Variants in SLCO5A1 observed in about 807,000 individuals in gnomAD.
The protein encoded by SLCO5A1 is organic anion transporter polypeptide-related protein 4.
In SLCO5A1, 39 loss-of-function variants were observed where a neutral mutation model predicts 65.1. The ratio of observed to expected loss-of-function variants is 0.60; its 90% confidence interval spans 0.46 to 0.78. The LOEUF is 0.78. Ranked by LOEUF, SLCO5A1 falls within the 30% of genes least tolerant of loss-of-function variation. SLCO5A1 has a pLI of 0.00. For synonymous variants in SLCO5A1, 438 were observed against 415.7 expected (o/e 1.05, Z -0.65); for missense variants, 1,029 against 1,069.4 (o/e 0.96, Z 0.53).
chr8:69,694,262 T>C lies in SLCO5A1; in HGVS notation c.1622+10769A>G, dbSNP rs146506760. 7.9e-5 allele frequency among the ~76,000 whole-genome samples: 12 copies of C among 152,338 alleles called. No homozygotes were observed. The East Asian group carries it at 2.3e-3, about 29-fold the overall frequency. The stretch of plus-strand genomic sequence containing the variant: ...TTCAGCTCCACTCCTTATTAACTGA[T>C]GAGTTTGGATAAATCACTTCATTTC... On this transcript the variant is annotated intron_variant, in intron 6 of 9. Transcript: ENST00000260126.
At chr8:69,796,073 G>A (rs1231426289) in intron 2 of SLCO5A1, among the ~76,000 whole-genome samples, 3 of 152,340 alleles carry the variant, frequency 2.0e-5, no homozygotes, top group East Asian at 3.9e-4. Context: ...TCTGGCCCAT[G>A]AAATCACTCT....
intron 4 of SLCO5A1, among the ~76,000 whole-genome samples, chr8:69,738,810 G>A (rs1816677850): frequency 6.6e-6 from 1 of 152,322 alleles, no homozygotes; most frequent in East Asian, 1.9e-4. Context: ...AGGAAGGAGA[G>A]CTGAAAGGTG....
rs190270525 is a variant in SLCO5A1, at chr8:69,794,590, G to A, written c.908-32715C>T. 1.1e-4 allele frequency: 36 copies of A among 321,468 alleles called. No homozygotes were observed. The East Asian group carries it at 1.6e-3, about 15-fold the overall frequency. 19.9% of individuals were successfully genotyped at this position (321,468 alleles called of 1,614,324 possible). On this transcript the variant is annotated intron_variant, in intron 2 of 9. Coordinates refer to ENST00000260126, the MANE Select transcript of SLCO5A1 (RefSeq NM_030958.3). ...ATTTTATTGAAGACCTTAGATTACCGGTTTGGAAATTGTATACAGTTTTTG... is the reference window on the plus strand; with the variant it reads ...ATTTTATTGAAGACCTTAGATTACCAGTTTGGAAATTGTATACAGTTTTTG...
intron 2 of SLCO5A1, among the ~76,000 whole-genome samples, chr8:69,814,692 T>G (rs1272271644): frequency 6.6e-6 from 1 of 152,186 alleles, no homozygotes; most frequent in African/African-American, 2.4e-5. Flanking sequence ...ACCAAAGATT[T>G]GAAATCACTT....
chr8:69,809,661 TATTATG>T (rs1301915404), intron 2 of SLCO5A1, among the ~76,000 whole-genome samples: 1 of 152,040 alleles, frequency 6.6e-6, no homozygotes, highest in Non-Finnish European at 1.5e-5. Flanking sequence ...ACTTTATTAT[TATTATG>T]ATTATGATTA....
intron 2 of SLCO5A1, among the ~76,000 whole-genome samples, chr8:69,811,692 A>C (rs1391541872): frequency 6.6e-6 from 1 of 152,254 alleles, no homozygotes; most frequent in Non-Finnish European, 1.5e-5. Flanking sequence ...ATGAAAGCTA[A>C]CACCACTCTC....
chr8:69,729,413 C>T (rs555037513), intron 5 of SLCO5A1, among the ~76,000 whole-genome samples: 3 of 127,762 alleles, frequency 2.3e-5, no homozygotes, highest in Admixed American at 1.9e-4. Context: ...CACTGCAGTC[C>T]GGCCTGGGCG....
chr8:69,717,383 C>A (rs1157029310), intron 5 of SLCO5A1, among the ~76,000 whole-genome samples: 1 of 152,166 alleles, frequency 6.6e-6, no homozygotes, highest in Non-Finnish European at 1.5e-5. Context: ...AGCCTTGGCA[C>A]TCTTGTCAAA....
chr8:69,721,424 A>G (rs1815809851), intron 5 of SLCO5A1, among the ~76,000 whole-genome samples: 2 of 152,256 alleles, frequency 1.3e-5, no homozygotes, highest in South Asian at 2.1e-4. Flanking sequence ...TGTTATAGAT[A>G]TAAAATAAAA....
intron 2 of SLCO5A1, among the ~76,000 whole-genome samples, chr8:69,790,385 T>C (rs779361616): frequency 6.6e-6 from 1 of 151,780 alleles, no homozygotes; most frequent in Non-Finnish European, 1.5e-5. Context: ...AAAAATGTAA[T>C]AATAATAATA....
chr8:69,751,170 C>T (rs942757158), intron 4 of SLCO5A1, among the ~76,000 whole-genome samples: 14 of 152,176 alleles, frequency 9.2e-5, no homozygotes, highest in Admixed American at 4.6e-4. Flanking sequence ...TTATGATTAA[C>T]TGCCACCAAA....
rs141074235 is a variant in SLCO5A1, at chr8:69,709,266, T to C, written c.1424-4037A>G. ...AGAGGACTTAAACACATTTATATACTGAGGAAAATAAACTAAAAAGGGAAT... is the reference window on the plus strand; with the variant it reads ...AGAGGACTTAAACACATTTATATACCGAGGAAAATAAACTAAAAAGGGAAT... On this transcript the variant is annotated intron_variant, in intron 5 of 9. Transcript: ENST00000260126. Among the ~76,000 whole-genome samples, 447 of 152,260 alleles carry C rather than the reference T, an allele frequency of 2.9e-3. 7 individuals carry two copies. The highest frequency in any genetic ancestry group is 0.013 in the South Asian group (65 of 4,820).
chr8:69,722,936 T>C (rs973997130), intron 5 of SLCO5A1, among the ~76,000 whole-genome samples: 1 of 152,190 alleles, frequency 6.6e-6, no homozygotes, highest in Non-Finnish European at 1.5e-5. Flanking sequence ...TGATGCATAA[T>C]TTAGCCACAA....
At chr8:69,813,439 G>A (rs1215302027) in intron 2 of SLCO5A1, among the ~76,000 whole-genome samples, 6 of 152,174 alleles carry the variant, frequency 3.9e-5, no homozygotes, top group African/African-American at 1.2e-4. Context: ...ACCTGCCCCT[G>A]TCTTTCTAAG....
At position 69,705,082 on chromosome 8, in the gene SLCO5A1, A is replaced by G. The variant is rs776230802; in HGVS notation, c.1571T>C (p.Val524Ala). The change falls in exon 6 of 10, where the codon GTT becomes GCT. Residue 524 changes from valine to alanine, a missense_variant. Coordinates refer to ENST00000260126, the MANE Select transcript of SLCO5A1 (RefSeq NM_030958.3). ...SLLCFSTLFI[V>A]GCESINLGGI... ...CCCTAGATTAATGCTTTCACATCCAACAATAAATAGGGTTGAAAAACATAG... is the reference window on the plus strand; with the variant it reads ...CCCTAGATTAATGCTTTCACATCCAGCAATAAATAGGGTTGAAAAACATAG... 1.3e-4 allele frequency: 214 copies of G among 1,613,962 alleles called. No individual in the cohort carries two copies. Among genetic ancestry groups the G allele is most frequent in the Non-Finnish European group, 1.8e-4 (208 of 1,180,052 alleles).
intron 5 of SLCO5A1, among the ~76,000 whole-genome samples, chr8:69,715,444 A>G (rs1169835034): frequency 6.6e-6 from 1 of 152,244 alleles, no homozygotes; most frequent in Non-Finnish European, 1.5e-5. Flanking sequence ...ATTTTCTGTC[A>G]GCAACTTTCA....
chr8:69,768,344 T>C (rs988217603), intron 2 of SLCO5A1, among the ~76,000 whole-genome samples: 29 of 152,344 alleles, frequency 1.9e-4, no homozygotes, highest in Middle Eastern at 3.4e-3. Flanking sequence ...TCCTCCTTTC[T>C]CTGGGTGTAC....
intron 6 of SLCO5A1, among the ~76,000 whole-genome samples, chr8:69,698,288 G>A (rs1176696260): frequency 6.6e-6 from 1 of 152,048 alleles, no homozygotes; most frequent in African/African-American, 2.4e-5. Context: ...CCATGTATTT[G>A]CTATTGTGAA....
chr8:69,725,026 C>A (rs1203547822), intron 5 of SLCO5A1, among the ~76,000 whole-genome samples: 2 of 152,174 alleles, frequency 1.3e-5, no homozygotes, highest in African/African-American at 4.8e-5. Flanking sequence ...AAGCCAGGGT[C>A]ATTCTCATTA....
Sources: allele counts gnomAD v4.1 joint callset (sites outside exome capture counted in the v4.1 genomes callset), GRCh38; gene constraint gnomAD v4.1.1; transcripts MANE v1.5; gene names NCBI Gene and HGNC (gene_info 2026-07-23, HGNC 2026-07-21).